CDH13: variants seen among roughly 807,000 people sequenced by gnomAD.
CDH13 encodes the protein cadherin 13, also known as cadherin-13.
In CDH13, 24 loss-of-function variants were observed where a neutral mutation model predicts 63.8. That is an observed-to-expected ratio of 0.38 (90% CI 0.27 to 0.53). CDH13 has a LOEUF of 0.53. CDH13 is among the 20% of genes least tolerant of loss of function. The probability of loss-of-function intolerance (pLI) is 0.85; values close to 1 mark genes in which losing one functional copy is unlikely to be tolerated. For missense variants in CDH13, 1,049 were observed against 903.1 expected (o/e 1.16, Z -2.07); for synonymous variants, 503 against 355.3 (o/e 1.42, Z -4.67).
chr16:83,657,460 C>T (rs958440527), intron 8 of CDH13, among the ~76,000 whole-genome samples: 4 of 152,164 alleles, frequency 2.6e-5, no homozygotes, highest in African/African-American at 7.2e-5. Flanking sequence ...TCCTCTTTGA[C>T]CCCCAGAGCA....
intron 4 of CDH13, among the ~76,000 whole-genome samples, chr16:83,215,174 T>G (rs1274517261): frequency 7.3e-6 from 1 of 137,480 alleles, no homozygotes; most frequent in African/African-American, 2.7e-5. Flanking sequence ...CCTCCCAGAT[T>G]CAAGCGATTC....
intron 7 of CDH13, among the ~76,000 whole-genome samples, chr16:83,584,286 G>A (rs1230959254): frequency 6.6e-6 from 1 of 152,222 alleles, no homozygotes; most frequent in Non-Finnish European, 1.5e-5. Flanking sequence ...CTGAGATCGT[G>A]CCACTGCACT....
In CDH13 at chr16:83,515,665, T is replaced by C. The variant is rs140069331; in HGVS notation, c.960+29010T>C. Among the ~76,000 whole-genome samples the C allele has an allele frequency of 2.5e-3, 377 of 152,316 alleles. 2 individuals are homozygous for C. The highest frequency in any genetic ancestry group is 8.5e-3 in the African/African-American group (354 of 41,564). The stretch of plus-strand genomic sequence containing the variant: ...GAATTTCTAGATGTCACAACAGAGA[T>C]GTTACCAAAATATGAGAATCAAGTT... On this transcript the variant is annotated intron_variant, in intron 7 of 13. Coordinates refer to ENST00000567109, the MANE Select transcript of CDH13 (RefSeq NM_001257.5).
chr16:83,246,415 G>C (rs948536863), intron 5 of CDH13, among the ~76,000 whole-genome samples: 11 of 152,072 alleles, frequency 7.2e-5, no homozygotes, highest in Non-Finnish European at 1.5e-4. Flanking sequence ...CACCTCATCA[G>C]AAGCCTCATT....
intron 3 of CDH13, among the ~76,000 whole-genome samples, chr16:83,059,118 G>A (rs1394028059): frequency 6.6e-6 from 1 of 152,114 alleles, no homozygotes; most frequent in Non-Finnish European, 1.5e-5. Context: ...GAAGAGGAAG[G>A]AGGCCAATCA....
At chr16:82,959,513 C>G (rs1403789408) in intron 2 of CDH13, among the ~76,000 whole-genome samples, 2 of 152,054 alleles carry the variant, frequency 1.3e-5, no homozygotes, top group Non-Finnish European at 2.9e-5. Flanking sequence ...GCTCACAGCC[C>G]CTTCCTTCAT....
At position 83,646,704 on chromosome 16, in the gene CDH13, A is replaced by AC. The variant is rs1165931427; in HGVS notation, c.1102-24086_1102-24085insC. On this transcript the variant is annotated intron_variant, in intron 8 of 13. Coordinates refer to ENST00000567109, the MANE Select transcript of CDH13 (RefSeq NM_001257.5). ...CAAGACTCCGTCTCAAAAAAAAAAA[A>AC]AAAAAAAAACACACACACACACACA... 2.2e-3 allele frequency among the ~76,000 whole-genome samples: 138 copies of AC among 62,690 alleles called. 1 individual carries two copies. Among genetic ancestry groups the AC allele is most frequent in the African/African-American group, 7.7e-3 (125 of 16,262 alleles). 41.1% of individuals were successfully genotyped at this position (62,690 alleles called of 152,430 possible).
intron 2 of CDH13, among the ~76,000 whole-genome samples, chr16:82,957,476 A>T (rs996267706): frequency 6.6e-6 from 1 of 152,206 alleles, no homozygotes; most frequent in Non-Finnish European, 1.5e-5. Flanking sequence ...GGCCACTAGT[A>T]TGTTGGCAAT....
At position 82,644,053 on chromosome 16, in the gene CDH13, T is replaced by C. The variant is rs1909763503; in HGVS notation, c.45+16916T>C. On this transcript the variant is annotated intron_variant, in intron 1 of 13. Coordinates refer to ENST00000567109, the MANE Select transcript of CDH13 (RefSeq NM_001257.5). This position sits in a 1 kb window ranked among gnomAD's most constrained non-coding sequence, Gnocchi z 5.7. ...TTTAAAAGTAGTAAGTGGTTTAGGA[T>C]GGGGGGTGGTATGGAGGTCGGGTGG... Among the ~76,000 whole-genome samples, 1 of 152,072 alleles carries C rather than the reference T, an allele frequency of 6.6e-6. No individual in the cohort carries two copies. Among genetic ancestry groups the C allele is most frequent in the Non-Finnish European group, 1.5e-5 (1 of 68,014 alleles).
intron 5 of CDH13, among the ~76,000 whole-genome samples, chr16:83,256,920 T>G (rs1401972725): frequency 6.6e-6 from 1 of 151,304 alleles, no homozygotes; most frequent in African/African-American, 2.4e-5. Flanking sequence ...CCCTCTCTCC[T>G]ACAAATATTA....
At chr16:83,394,702 C>G (rs1304171628) in intron 6 of CDH13, among the ~76,000 whole-genome samples, 3 of 152,178 alleles carry the variant, frequency 2.0e-5, no homozygotes, top group Non-Finnish European at 4.4e-5. Context: ...AGAACAAAAG[C>G]AAGGCAGCCA....
intron 1 of CDH13, among the ~76,000 whole-genome samples, chr16:82,798,809 A>G (rs902992215): frequency 1.3e-5 from 2 of 152,072 alleles, no homozygotes; most frequent in Admixed American, 6.5e-5. Context: ...CCAGCAAGGG[A>G]TCTTGAATAT....
intron 11 of CDH13, among the ~76,000 whole-genome samples, chr16:83,769,152 G>A (rs1267007179): frequency 6.6e-6 from 1 of 152,240 alleles, no homozygotes; most frequent in African/African-American, 2.4e-5. Context: ...GTCATAGGAA[G>A]GGGAGAGGAA....
intron 6 of CDH13, among the ~76,000 whole-genome samples, chr16:83,417,239 C>T (rs527834371): frequency 6.6e-6 from 1 of 152,140 alleles, no homozygotes; most frequent in East Asian, 1.9e-4. Context: ...CCTGGGCTTC[C>T]CTGCTCAATT....
chr16:83,566,976 A>G (rs1424283784), intron 7 of CDH13, among the ~76,000 whole-genome samples: 3 of 152,188 alleles, frequency 2.0e-5, no homozygotes, highest in African/African-American at 7.2e-5. Flanking sequence ...CGTTCCCTCC[A>G]TCCCTGGGAG....
At chr16:83,228,346 C>T (rs562662919) in intron 5 of CDH13, among the ~76,000 whole-genome samples, 4 of 152,310 alleles carry the variant, frequency 2.6e-5, no homozygotes, top group South Asian at 2.1e-4. Flanking sequence ...GTTGGCCACT[C>T]AGAGGGTCTA....
At chr16:83,698,104 C>T (rs1356784147) in intron 10 of CDH13, among the ~76,000 whole-genome samples, 1 of 152,204 alleles carries the variant, frequency 6.6e-6, no homozygotes, top group Admixed American at 6.5e-5. Flanking sequence ...ATAATAGGCA[C>T]TCAATACATG....
At chr16:83,668,224 CT>C in intron 8 of CDH13, among the ~76,000 whole-genome samples, 1 of 152,298 alleles carries the variant, frequency 6.6e-6, no homozygotes, top group African/African-American at 2.4e-5. Context: ...ATCCCACTTC[CT>C]ATACTTAAGA....
intron 5 of CDH13, among the ~76,000 whole-genome samples, chr16:83,303,410 A>T (rs2089796503): frequency 1.3e-5 from 2 of 152,126 alleles, no homozygotes. Context: ...AAGGGGAGTA[A>T]ATAACTTTTA....
Sources: allele counts gnomAD v4.1 joint callset (sites outside exome capture counted in the v4.1 genomes callset), GRCh38; gene constraint gnomAD v4.1.1; non-coding constraint Gnocchi (gnomAD v3.1); transcripts MANE v1.5; gene names NCBI Gene and HGNC (gene_info 2026-07-23, HGNC 2026-07-21).